Variants in VCPIP1 observed in about 807,000 individuals in gnomAD.
The protein encoded by VCPIP1 is deubiquitinating protein VCPIP1.
Under a neutral mutation model 85.0 loss-of-function variants are expected in VCPIP1, and 8 were observed. The observed-to-expected ratio is 0.09, with a 90% CI of 0.06 to 0.17. The LOEUF is 0.17. Ranked by LOEUF, VCPIP1 falls within the 10% of genes least tolerant of loss-of-function variation. The pLI is 1.00. For synonymous variants in VCPIP1, 543 were observed against 544.5 expected (o/e 1.00, Z 0.04); for missense variants, 1,070 against 1,486.3 (o/e 0.72, Z 4.61).
intron 2 of VCPIP1, among the ~76,000 whole-genome samples, chr8:66,637,877 C>T (rs1401185395): frequency 6.6e-6 from 1 of 152,134 alleles, no homozygotes; most frequent in Non-Finnish European, 1.5e-5. Flanking sequence ...GAGGCTGAGG[C>T]AGGAGAATGG....
chr8:66,641,375 A>C (rs983535568), intron 2 of VCPIP1, among the ~76,000 whole-genome samples: 3 of 152,002 alleles, frequency 2.0e-5, no homozygotes, highest in Non-Finnish European at 2.9e-5. Context: ...ATATATATAT[A>C]GTTTTTTTTT....
intron 1 of VCPIP1, among the ~76,000 whole-genome samples, chr8:66,657,036 G>A (rs1811107660): frequency 6.6e-6 from 1 of 151,990 alleles, no homozygotes; most frequent in African/African-American, 2.4e-5. Flanking sequence ...CTCCCGAGTA[G>A]CTGGGATTAC....
chr8:66,641,313 T>C (rs1021107797), intron 2 of VCPIP1, among the ~76,000 whole-genome samples: 14 of 152,204 alleles, frequency 9.2e-5, no homozygotes, highest in African/African-American at 2.9e-4. Context: ...TATTGAGATA[T>C]AGTTCACATA....
chr8:66,635,163 G>C lies in VCPIP1; in HGVS notation c.3007C>G (p.Leu1003Val). 6.2e-7 allele frequency: 1 copy of C among 1,614,130 alleles called. No individual in the cohort carries two copies. The highest frequency in any genetic ancestry group is 8.5e-7 in the Non-Finnish European group (1 of 1,180,036). Residue 1003 changes from leucine (L) to valine (V), a missense_variant, in exon 3 of 3, where the codon CTA becomes GTA. Transcript: ENST00000310421. ...ACTCCACCACTACCTAGTTTTAATA[G>C]CCCATGTGAGGGACTTGATTCCCTA... ...RSRESSPSHGLLKLGSGGVVK... is the reference protein window; with the variant it reads ...RSRESSPSHGVLKLGSGGVVK...
Position 66,666,980 on chromosome 8 carries a change from G to A in VCPIP1, c.-22C>T. 2 of 1,511,148 alleles carry A rather than the reference G, an allele frequency of 1.3e-6. No homozygotes were observed. Among genetic ancestry groups the A allele is most frequent in the Non-Finnish European group, 1.8e-6 (2 of 1,137,692 alleles). 93.6% of individuals were successfully genotyped at this position (1,511,148 alleles called of 1,614,324 possible). A position where few individuals can be genotyped will look rare whatever the true frequency, so the allele number is the denominator to read the frequency against. ...ACATAGCTCCTGGCTCTCGTGTCTC[G>A]CTCCGCGTCCCAGGCGACCCTCAAA... On this transcript the variant is annotated 5_prime_UTR_variant, in exon 1 of 3. Transcript: ENST00000310421. The surrounding 1 kb of genome is among the most constrained non-coding windows in gnomAD (Gnocchi z 6.3).
In VCPIP1 at chr8:66,642,758, A is replaced by G. The variant is rs959354717; in HGVS notation, c.2798-7386T>C. ...ATAATTTCAAACTAGAAACAAAACTATTTTGAAAATAGTAAAGATAGCCAT... is the reference window on the plus strand; with the variant it reads ...ATAATTTCAAACTAGAAACAAAACTGTTTTGAAAATAGTAAAGATAGCCAT... On this transcript the variant is annotated intron_variant, in intron 2 of 2. Transcript: ENST00000310421. 2.6e-5 allele frequency among the ~76,000 whole-genome samples: 4 copies of G among 152,322 alleles called. No homozygotes were observed. The South Asian group carries it at 8.3e-4, about 32-fold the overall frequency.
Position 66,666,290 on chromosome 8 carries a change from A to G in VCPIP1, c.669T>C (p.Ala223=). ...CTCGGCCTACTAGAGCCCGAGACAC[A>G]GCATGCACCAAGCAGTGTCCATCCC... ...VDGDGHCLVH[A]VSRALVGREL... The change falls in exon 1 of 3, where the codon GCT becomes GCC. Residue 223 remains alanine, a synonymous_variant. Transcript: ENST00000310421. This position sits in a 1 kb window ranked among gnomAD's most constrained non-coding sequence, Gnocchi z 6.3. The G allele has an allele frequency of 6.2e-7, 1 of 1,614,146 alleles. No homozygotes were observed. Among genetic ancestry groups the G allele is most frequent in the Middle Eastern group, 1.7e-4 (1 of 6,060 alleles).
intron 2 of VCPIP1, among the ~76,000 whole-genome samples, chr8:66,650,628 G>A (rs932603621): frequency 6.6e-5 from 10 of 151,960 alleles, no homozygotes; most frequent in Non-Finnish European, 1.0e-4. Context: ...AAAGCAATAA[G>A]ATATACGCTA....
chr8:66,639,324 T>TC (rs1205602549), intron 2 of VCPIP1, among the ~76,000 whole-genome samples: 1 of 130,762 alleles, frequency 7.6e-6, no homozygotes, highest in East Asian at 2.2e-4. Flanking sequence ...TTTTATTCTT[T>TC]TTTTTTTTTT....
intron 1 of VCPIP1, among the ~76,000 whole-genome samples, chr8:66,657,747 T>C (rs1366794498): frequency 1.3e-5 from 2 of 152,236 alleles, no homozygotes; most frequent in Admixed American, 1.3e-4. Context: ...GGTACTTGAA[T>C]TATTTGAATT....
chr8:66,645,857 T>C (rs911406049), intron 2 of VCPIP1, among the ~76,000 whole-genome samples: 12 of 151,484 alleles, frequency 7.9e-5, no homozygotes, highest in African/African-American at 2.2e-4. Flanking sequence ...CTGAGCCAGG[T>C]AGGTCAACGA....
At position 66,664,454 on chromosome 8, in the gene VCPIP1, C is replaced by T; in HGVS notation, c.2505G>A (p.Lys835=). 3 of 1,613,762 alleles carry T rather than the reference C, an allele frequency of 1.9e-6. No homozygotes were observed. The highest frequency in any genetic ancestry group is 2.5e-6 in the Non-Finnish European group (3 of 1,179,758). The change falls in exon 1 of 3, where the codon AAG becomes AAA. Residue 835 remains lysine (K), a synonymous_variant. Transcript: ENST00000310421. The part of the protein sequence containing the change: ...ELMPPQAGME[K]EPVPLQHGDR... ...CGCCATGCTGTAAAGGAACTGGTTC[C>T]TTTTCCATTCCTGCCTGTGGTGGCA...
Position 66,667,078 on chromosome 8 carries a change from T to C in VCPIP1, c.-120A>G. 7.2e-7 allele frequency: 1 copy of C among 1,396,980 alleles called. No individual in the cohort carries two copies. The highest frequency in any genetic ancestry group is 9.3e-7 in the Non-Finnish European group (1 of 1,078,572). The allele number at this position is 1,396,980 out of a possible 1,614,324, so 86.5% of individuals were successfully genotyped here. Reference sequence around the variant, plus strand: ...CCAGGGCGAAGCACTTTCCTTTCCCTACCAGCTCTTCCTCCTCCTAAGCGA... The same window carrying C: ...CCAGGGCGAAGCACTTTCCTTTCCCCACCAGCTCTTCCTCCTCCTAAGCGA... On this transcript the variant is annotated 5_prime_UTR_variant, in exon 1 of 3. Coordinates refer to ENST00000310421, the MANE Select transcript of VCPIP1 (RefSeq NM_025054.5).
intron 2 of VCPIP1, among the ~76,000 whole-genome samples, chr8:66,650,632 T>A (rs1269682845): frequency 2.0e-5 from 3 of 152,034 alleles, no homozygotes; most frequent in African/African-American, 7.2e-5. Context: ...CAATAAGATA[T>A]ACGCTAAATA....
intron 2 of VCPIP1, among the ~76,000 whole-genome samples, chr8:66,637,485 C>CAA (rs59405974): frequency 1.1e-5 from 1 of 91,762 alleles, no homozygotes; most frequent in Non-Finnish European, 2.5e-5. Flanking sequence ...GACTCCATCT[C>CAA]AAAAAAAAAA....
Position 66,630,588 on chromosome 8 carries a change from T to C in VCPIP1, c.*3913A>G, listed in dbSNP as rs921529764. 13 of 152,632 alleles carry C rather than the reference T, an allele frequency of 8.5e-5. No homozygotes were observed. The highest frequency in any genetic ancestry group is 1.8e-4 in the Non-Finnish European group (12 of 68,034). 9.5% of individuals were successfully genotyped at this position (152,632 alleles called of 1,614,324 possible). The stretch of plus-strand genomic sequence containing the variant: ...CATCAACTAAAACTTTTTTCTTTAC[T>C]AATTTTTCCTTTTCTTTTACAAGAG... On this transcript the variant is annotated 3_prime_UTR_variant, in exon 3 of 3. Coordinates refer to ENST00000310421, the MANE Select transcript of VCPIP1 (RefSeq NM_025054.5).
At chr8:66,638,102 G>C (rs1444061581) in intron 2 of VCPIP1, among the ~76,000 whole-genome samples, 1 of 152,182 alleles carries the variant, frequency 6.6e-6, no homozygotes, top group African/African-American at 2.4e-5. Flanking sequence ...AATGAATTGT[G>C]TTAAAAACAA....
At chr8:66,653,391 C>G (rs546109567) in intron 1 of VCPIP1, 24 of 152,144 alleles carry the variant, frequency 1.6e-4, no homozygotes, top group African/African-American at 5.5e-4. Context: ...CTAAAATATT[C>G]TAGTATAGCA....
rs1326089399 is a variant in VCPIP1 at position 66,664,161 on chromosome 8, C to T, written c.2710+88G>A. ...TATAATTAAAAACTTACAATGGCTA[C>T]AGATTTCTTTTCCCCCAAAGATAAC... On this transcript the variant is annotated intron_variant, in intron 1 of 2. Coordinates refer to ENST00000310421, the MANE Select transcript of VCPIP1 (RefSeq NM_025054.5). 8.6e-6 allele frequency: 12 copies of T among 1,392,432 alleles called. No homozygotes were observed. The African/African-American group carries it at 1.6e-4, about 19-fold the overall frequency. The allele number at this position is 1,392,432 out of a possible 1,614,324, so 86.3% of individuals were successfully genotyped here.
Sources: gnomAD v4.1 joint callset for allele counts (sites outside exome capture counted in the v4.1 genomes callset) on GRCh38, gnomAD v4.1.1 for gene constraint, Gnocchi (gnomAD v3.1) non-coding constraint, MANE v1.5 for transcripts, NCBI Gene and HGNC (gene_info 2026-07-23, HGNC 2026-07-21) for gene names.